The following ANKRD44 variants were observed in gnomAD, a reference collection of about 807,000 sequenced individuals.
ANKRD44 encodes serine/threonine-protein phosphatase 6 regulatory ankyrin repeat subunit B.
In ANKRD44, 35 loss-of-function variants were observed where a neutral mutation model predicts 116.0. The ratio of observed to expected loss-of-function variants is 0.30; its 90% CI spans 0.23 to 0.40. The LOEUF is 0.40. ANKRD44 is among the 10% of genes least tolerant of loss of function. The probability of loss-of-function intolerance (pLI) is 1.00; values close to 1 mark genes in which losing one functional copy is unlikely to be tolerated. For missense variants in ANKRD44, 1,014 were observed against 1,242.6 expected (o/e 0.82, Z 2.77); for synonymous variants, 435 against 461.8 (o/e 0.94, Z 0.74).
chr2:197,255,632 G>A (rs2082426263), intron 1 of ANKRD44, among the ~76,000 whole-genome samples: 2 of 152,274 alleles, frequency 1.3e-5, no homozygotes, highest in Admixed American at 1.3e-4. Context: ...AGGCCTGCCT[G>A]TGAACTTCCT....
At chr2:197,298,769 T>C (rs1228402848) in intron 1 of ANKRD44, among the ~76,000 whole-genome samples, 1 of 151,902 alleles carries the variant, frequency 6.6e-6, no homozygotes, top group Non-Finnish European at 1.5e-5. Context: ...ATACAAAAAC[T>C]AGCCAGGTGT....
downstream of ANKRD44, among the ~76,000 whole-genome samples, chr2:196,986,223 C>T (rs889303202): frequency 2.0e-5 from 3 of 152,048 alleles, no homozygotes; most frequent in Non-Finnish European, 2.9e-5. Context: ...TATGGGCCAG[C>T]CTGGGCAATA....
intron 1 of ANKRD44, among the ~76,000 whole-genome samples, chr2:197,307,086 T>A (rs898759833): frequency 1.3e-5 from 2 of 152,184 alleles, no homozygotes. Flanking sequence ...TTTAACTATA[T>A]GACATAAAGA....
At chr2:197,043,297 T>G (rs961338944) in intron 16 of ANKRD44, among the ~76,000 whole-genome samples, 1 of 152,182 alleles carries the variant, frequency 6.6e-6, no homozygotes, top group Non-Finnish European at 1.5e-5. Context: ...ATAATAGAAA[T>G]CTATACTTGT....
At chr2:197,238,477 T>C (rs1305143760) in intron 1 of ANKRD44, among the ~76,000 whole-genome samples, 3 of 152,212 alleles carry the variant, frequency 2.0e-5, no homozygotes, top group African/African-American at 7.2e-5. Context: ...TATCTTGATC[T>C]GTGCTATGAT....
intron 2 of ANKRD44, among the ~76,000 whole-genome samples, chr2:197,152,385 G>A (rs2079675515): frequency 6.6e-6 from 1 of 152,188 alleles, no homozygotes; most frequent in South Asian, 2.1e-4. Flanking sequence ...TCACAAAAAG[G>A]AAGGTCTTTT....
chr2:197,169,914 G>T (rs147826461), intron 2 of ANKRD44, among the ~76,000 whole-genome samples: 1 of 152,238 alleles, frequency 6.6e-6, no homozygotes, highest in Non-Finnish European at 1.5e-5. Context: ...GAGGAGGCCA[G>T]GTACGTGGTT....
intron 1 of ANKRD44, among the ~76,000 whole-genome samples, chr2:197,305,515 T>C (rs1205706333): frequency 6.6e-6 from 1 of 152,250 alleles, no homozygotes; most frequent in African/African-American, 2.4e-5. Context: ...AATCTTTCAT[T>C]TCTGTTTCTG....
intron 1 of ANKRD44, among the ~76,000 whole-genome samples, chr2:197,195,228 G>GC (rs561967439): frequency 5.9e-5 from 9 of 152,066 alleles, no homozygotes; most frequent in Non-Finnish European, 1.5e-5. Context: ...CAATTCTTCT[G>GC]CCTCAGCCTC....
intron 1 of ANKRD44, among the ~76,000 whole-genome samples, chr2:197,275,868 A>T (rs2083066941): frequency 6.6e-6 from 1 of 152,188 alleles, no homozygotes; most frequent in Admixed American, 6.5e-5. Flanking sequence ...ATAATTATCT[A>T]AGTCTAGATC....
chr2:197,310,750 C>G lies in ANKRD44; in HGVS notation c.-146G>C. 1 of 776,808 alleles carries G rather than the reference C, an allele frequency of 1.3e-6. No individual in the cohort carries two copies. The highest frequency in any genetic ancestry group is 1.7e-6 in the Non-Finnish European group (1 of 594,354). 48.1% of individuals were successfully genotyped at this position (776,808 alleles called of 1,614,324 possible). ...AGCCCTCCCCCTGCTCCTCCTCCGCCGCCGCCTCCTCCCGCCGAGAGGCTG... is the reference window on the plus strand; with the variant it reads ...AGCCCTCCCCCTGCTCCTCCTCCGCGGCCGCCTCCTCCCGCCGAGAGGCTG... On this transcript the variant is annotated 5_prime_UTR_variant, in exon 1 of 28. Transcript: ENST00000282272.
intron 1 of ANKRD44, among the ~76,000 whole-genome samples, chr2:197,307,759 C>A (rs1292529800): frequency 6.6e-6 from 1 of 152,200 alleles, no homozygotes; most frequent in African/African-American, 2.4e-5. Flanking sequence ...TCATCTGTCA[C>A]CCCTGACTTT....
At chr2:197,171,056 G>C (rs1004508235) in intron 2 of ANKRD44, among the ~76,000 whole-genome samples, 1 of 152,224 alleles carries the variant, frequency 6.6e-6, no homozygotes, top group Non-Finnish European at 1.5e-5. Context: ...CAGGGCTAAT[G>C]ATTAGTTTCT....
intron 21 of ANKRD44, among the ~76,000 whole-genome samples, chr2:196,974,353 G>A (rs1295604505): frequency 1.3e-5 from 2 of 152,056 alleles, no homozygotes; most frequent in African/African-American, 4.8e-5. Flanking sequence ...AAAGTGCTGG[G>A]ATTACAGGTA....
chr2:197,180,341 G>A (rs1046470357), intron 2 of ANKRD44, among the ~76,000 whole-genome samples: 15 of 152,190 alleles, frequency 9.9e-5, no homozygotes, highest in Non-Finnish European at 1.5e-5. Context: ...ACAATTTAGA[G>A]ATTTCCTGTA....
intron 2 of ANKRD44, among the ~76,000 whole-genome samples, chr2:197,177,590 GTGTT>G (rs748011114): frequency 2.0e-5 from 3 of 152,010 alleles, no homozygotes; most frequent in African/African-American, 4.8e-5. Context: ...GTTTGTGTGT[GTGTT>G]TGTGTGTGTG....
At chr2:197,174,341 C>G (rs1031812979) in intron 2 of ANKRD44, among the ~76,000 whole-genome samples, 1 of 151,986 alleles carries the variant, frequency 6.6e-6, no homozygotes, top group African/African-American at 2.4e-5. Context: ...AAGAATGGAT[C>G]CACTGTGATA....
At chr2:197,059,634 C>T (rs1210063762) in intron 16 of ANKRD44, among the ~76,000 whole-genome samples, 1 of 152,204 alleles carries the variant, frequency 6.6e-6, no homozygotes, top group African/African-American at 2.4e-5. Flanking sequence ...GAGAGACAGA[C>T]ACACATGTAT....
chr2:197,089,949 C>G lies in ANKRD44; in HGVS notation c.1183+1G>C. Reference sequence around the variant, plus strand: ...TCATCTCTGCTAACAGATTTACTTACCCGATGATAACAACTTTCTGCAGCA... The same window carrying G: ...TCATCTCTGCTAACAGATTTACTTAGCCGATGATAACAACTTTCTGCAGCA... On this transcript the variant is annotated splice_donor_variant, in intron 11 of 27. Transcript: ENST00000282272. LOFTEE classifies it high-confidence loss of function. 6.2e-7 allele frequency: 1 copy of G among 1,613,404 alleles called. No homozygotes were observed. Among genetic ancestry groups the G allele is most frequent in the Non-Finnish European group, 8.5e-7 (1 of 1,179,406 alleles).
Sources: gnomAD v4.1 joint callset for allele counts (sites outside exome capture counted in the v4.1 genomes callset) on GRCh38, gnomAD v4.1.1 for gene constraint, MANE v1.5 for transcripts, NCBI Gene and HGNC (gene_info 2026-07-23, HGNC 2026-07-21) for gene names.